The following WNK3 variants were observed in gnomAD, a reference collection of about 807,000 sequenced individuals.
The protein encoded by WNK3 is serine/threonine-protein kinase WNK3.
WNK3 carries 18 observed loss-of-function variants against 116.7 expected under a neutral mutation model. The ratio of observed to expected loss-of-function variants is 0.15; its 90% confidence interval spans 0.11 to 0.23. WNK3 has a LOEUF of 0.23. WNK3 is among the 10% of genes least tolerant of loss of function. The pLI is 1.00. For missense variants in WNK3, 993 were observed against 1,323.8 expected, an observed-to-expected ratio of 0.75 and a Z score of 3.88; for synonymous variants, 404 against 469.4, an observed-to-expected ratio of 0.86 and a Z score of 1.80.
At chrX:54,335,087 C>T (rs1557175154) in intron 1 of WNK3, among the ~76,000 whole-genome samples, 1 of 110,095 alleles carries the variant, frequency 9.1e-6, no homozygotes, top group African/African-American at 3.3e-5. Flanking sequence ...TTTAGTGAAA[C>T]CCTGACTCTA....
chrX:54,248,337 C>A (rs189262462), intron 17 of WNK3, among the ~76,000 whole-genome samples: 1 of 107,133 alleles, frequency 9.3e-6, no homozygotes, highest in Admixed American at 1.0e-4. Flanking sequence ...AAAACCATAA[C>A]TTTTTTTTTT....
At chrX:54,348,605 A>G (rs2069470425) in intron 1 of WNK3, among the ~76,000 whole-genome samples, 1 of 112,248 alleles carries the variant, frequency 8.9e-6, no homozygotes, top group East Asian at 2.8e-4. Context: ...TGGGCAATGT[A>G]CCAATTTAAA....
intron 22 of WNK3, among the ~76,000 whole-genome samples, chrX:54,209,532 G>A (rs929557891): frequency 1.9e-5 from 2 of 104,316 alleles, no homozygotes; most frequent in African/African-American, 7.0e-5. Context: ...GGATATATAC[G>A]TGTTAAGCAG....
intron 10 of WNK3, among the ~76,000 whole-genome samples, chrX:54,276,348 C>CA (rs1251901997): frequency 1.3e-4 from 14 of 106,650 alleles, no homozygotes; most frequent in African/African-American, 5.0e-4. Context: ...AACAAACAAA[C>CA]AAACAAAAAA....
At chrX:54,315,849 A>T (rs1377127065) in intron 2 of WNK3, among the ~76,000 whole-genome samples, 1 of 111,712 alleles carries the variant, frequency 9.0e-6, no homozygotes, top group Non-Finnish European at 1.9e-5. Flanking sequence ...TGATGGAGCT[A>T]TAGCAGTCTC....
intron 10 of WNK3, among the ~76,000 whole-genome samples, chrX:54,278,793 G>A (rs1305988238): frequency 4.5e-5 from 5 of 111,775 alleles, no homozygotes; most frequent in African/African-American, 1.6e-4. Flanking sequence ...AACATAGGCC[G>A]GGCGTGGTGG....
chrX:54,318,217 G>A (rs1039876717), intron 2 of WNK3, among the ~76,000 whole-genome samples: 57 of 108,061 alleles, frequency 5.3e-4, no homozygotes, highest in African/African-American at 1.9e-3. Context: ...AAAATTATCC[G>A]GCTGTGGTGG....
At chrX:54,316,113 T>C in intron 2 of WNK3, among the ~76,000 whole-genome samples, 1 of 111,433 alleles carries the variant, frequency 9.0e-6, no homozygotes, top group African/African-American at 3.3e-5. Flanking sequence ...ATAGATGGAA[T>C]GTTTGTGTCC....
chrX:54,286,811 G>C (rs1276113314), intron 10 of WNK3, among the ~76,000 whole-genome samples: 1 of 108,053 alleles, frequency 9.3e-6, no homozygotes, highest in African/African-American at 3.4e-5. Context: ...TACTCAGGAG[G>C]TTGAGGCAGG....
At chrX:54,329,643 T>C (rs1333704410) in intron 2 of WNK3, among the ~76,000 whole-genome samples, 2 of 104,600 alleles carry the variant, frequency 1.9e-5, no homozygotes, top group African/African-American at 7.0e-5. Context: ...CAAGACTCTG[T>C]CTTAAAAAAA....
chrX:54,275,643 A>T (rs2068438476), intron 10 of WNK3, among the ~76,000 whole-genome samples: 1 of 110,642 alleles, frequency 9.0e-6, no homozygotes, highest in Non-Finnish European at 1.9e-5. Flanking sequence ...AAGGAGAAAC[A>T]TAGAGAAGAA....
chrX:54,355,587 G>A (rs1603403639), intron 1 of WNK3, among the ~76,000 whole-genome samples: 1 of 109,626 alleles, frequency 9.1e-6, no homozygotes, highest in Non-Finnish European at 1.9e-5. Context: ...TCTAGGGGAG[G>A]GGGAGAGAGA....
chrX:54,331,363 GAT>G (rs1557174233), intron 2 of WNK3, among the ~76,000 whole-genome samples: 1 of 108,176 alleles, frequency 9.2e-6, no homozygotes, highest in Non-Finnish European at 1.9e-5. Flanking sequence ...TTTATAGAAA[GAT>G]ATATGTGTGT....
At chrX:54,206,595 T>C (rs2067556239) in intron 22 of WNK3, among the ~76,000 whole-genome samples, 1 of 111,567 alleles carries the variant, frequency 9.0e-6, no homozygotes, top group Admixed American at 9.6e-5. Flanking sequence ...ATTCCTCCTA[T>C]ACAATGTCTC....
At chrX:54,273,792 G>C (rs1164301295) in intron 10 of WNK3, among the ~76,000 whole-genome samples, 1 of 111,529 alleles carries the variant, frequency 9.0e-6, no homozygotes, top group Non-Finnish European at 1.9e-5. Context: ...GCCTGGCTTT[G>C]GGGAATTCAT....
chrX:54,278,806 C>G (rs1346938752), intron 10 of WNK3, among the ~76,000 whole-genome samples: 1 of 112,008 alleles, frequency 8.9e-6, no homozygotes, highest in Admixed American at 9.5e-5. Context: ...CGTGGTGGTT[C>G]ATGCCTGTAA....
intron 2 of WNK3, among the ~76,000 whole-genome samples, chrX:54,314,696 G>T (rs1223421953): frequency 9.1e-6 from 1 of 110,370 alleles, no homozygotes; most frequent in Non-Finnish European, 1.9e-5. Context: ...TTGAACCCGG[G>T]AGGTCGAGAC....
intron 2 of WNK3, among the ~76,000 whole-genome samples, chrX:54,311,894 C>T (rs1160278960): frequency 7.2e-5 from 8 of 111,168 alleles, no homozygotes; most frequent in African/African-American, 2.6e-4. Flanking sequence ...ACAAGCTATC[C>T]ATCAAGTTTA....
intron 10 of WNK3, among the ~76,000 whole-genome samples, chrX:54,271,220 A>G (rs1219599311): frequency 8.9e-6 from 1 of 112,371 alleles, no homozygotes; most frequent in African/African-American, 3.2e-5. Context: ...TACCACCTAT[A>G]AGCACTTAGG....
Sources: gnomAD v4.1 joint callset for allele counts (sites outside exome capture counted in the v4.1 genomes callset) on GRCh38, gnomAD v4.1.1 for gene constraint, MANE v1.5 for transcripts, NCBI Gene and HGNC (gene_info 2026-07-23, HGNC 2026-07-21) for gene names.